The following UBE2D1 variants were observed in gnomAD, a reference collection of about 807,000 sequenced individuals.
UBE2D1 encodes the protein ubiquitin conjugating enzyme E2 D1, also known as ubiquitin-conjugating enzyme E2 D1.
UBE2D1 carries 9 observed loss-of-function variants against 24.6 expected under a neutral mutation model. The ratio of observed to expected loss-of-function variants is 0.37; its 90% confidence interval spans 0.22 to 0.64. The LOEUF (loss-of-function observed/expected upper bound fraction) is 0.64, where lower values mean the gene tolerates loss of function less well. Ranked by LOEUF, UBE2D1 falls within the 30% of genes least tolerant of loss-of-function variation. UBE2D1 has a pLI of 0.64. For synonymous variants in UBE2D1, 57 were observed against 57.6 expected, an observed-to-expected ratio of 0.99 and a Z score of 0.04; for missense variants, 87 against 177.1, an observed-to-expected ratio of 0.49 and a Z score of 2.89.
At chr10:58,341,659 TC>T (rs1276723721) in intron 1 of UBE2D1, among the ~76,000 whole-genome samples, 1 of 152,202 alleles carries the variant, frequency 6.6e-6, no homozygotes, top group Non-Finnish European at 1.5e-5. Context: ...TGGGATTGCC[TC>T]CAGGAAAGCA....
intron 1 of UBE2D1, among the ~76,000 whole-genome samples, chr10:58,338,264 A>T (rs1839924382): frequency 6.6e-6 from 1 of 152,246 alleles, no homozygotes; most frequent in Non-Finnish European, 1.5e-5. Flanking sequence ...AAGACAGAGC[A>T]TGGAGATATC....
At chr10:58,368,052 C>A in intron 6 of UBE2D1, 36 bp downstream of exon 6, 1 of 1,444,664 alleles carries the variant, frequency 6.9e-7, no homozygotes, top group Non-Finnish European at 9.7e-7. Flanking sequence ...TGTATGGATA[C>A]ATTCCTATAT....
intron 1 of UBE2D1, among the ~76,000 whole-genome samples, chr10:58,337,644 AG>A (rs1839917020): frequency 6.6e-6 from 1 of 152,060 alleles, no homozygotes; most frequent in South Asian, 2.1e-4. Flanking sequence ...AGAGGGTACA[AG>A]CAGGGGAACA....
chr10:58,338,146 C>CAAT lies in UBE2D1; in HGVS notation c.24+2925_24+2927dup, dbSNP rs560724538. The stretch of plus-strand genomic sequence containing the variant: ...ATAGGTGTGAGCCACCACACCCGGC[C>CAAT]AATAATCTCTTAATTGGCTTGGCTA... On this transcript the variant is annotated intron_variant, in intron 1 of 6. Transcript: ENST00000373910. Among the ~76,000 whole-genome samples the CAAT allele has an allele frequency of 2.1e-4, 32 of 152,196 alleles. No homozygotes were observed. In the South Asian group the frequency reaches 6.4e-3, roughly 31 times the overall value.
intron 1 of UBE2D1, among the ~76,000 whole-genome samples, chr10:58,337,469 G>A (rs1418922949): frequency 6.6e-6 from 1 of 152,118 alleles, no homozygotes; most frequent in Non-Finnish European, 1.5e-5. Context: ...CATCAGTATA[G>A]AATTCTTATT....
chr10:58,363,853 T>C (rs1840226491), intron 4 of UBE2D1, among the ~76,000 whole-genome samples, 167 bp downstream of exon 4: 1 of 152,188 alleles, frequency 6.6e-6, no homozygotes, highest in East Asian at 1.9e-4. Context: ...TGATTTCTTA[T>C]TGAAATACTG....
At chr10:58,363,489 A>G (rs970997432) in intron 3 of UBE2D1, 120 bp from the exon 4 acceptor site, 5 of 624,576 alleles carry the variant, frequency 8.0e-6, no homozygotes, top group African/African-American at 5.8e-5. Flanking sequence ...GTAATATTTA[A>G]TGAAATTATT....
chr10:58,353,477 C>G (rs1840098910), intron 1 of UBE2D1, among the ~76,000 whole-genome samples: 1 of 152,138 alleles, frequency 6.6e-6, no homozygotes, highest in South Asian at 2.1e-4. Flanking sequence ...CCTTGGAAAG[C>G]AACCCATAGC....
intron 1 of UBE2D1, among the ~76,000 whole-genome samples, chr10:58,351,050 A>G (rs1840070550): frequency 6.6e-6 from 1 of 152,216 alleles, no homozygotes. Context: ...GTATGCCTGT[A>G]TAGGGCACTT....
At position 58,344,174 on chromosome 10, in the gene UBE2D1, C is replaced by T. The variant is rs535226223; in HGVS notation, c.24+8949C>T. On this transcript the variant is annotated intron_variant, in intron 1 of 6. Transcript: ENST00000373910. ...GAAAAGATAAGAATTCCTTCTCATTCCTTCACTTATCACACTTTTGTTTCT... is the reference window on the plus strand; with the variant it reads ...GAAAAGATAAGAATTCCTTCTCATTTCTTCACTTATCACACTTTTGTTTCT... 2.0e-5 allele frequency among the ~76,000 whole-genome samples: 3 copies of T among 152,284 alleles called. No individual in the cohort carries two copies. In the South Asian group the frequency reaches 6.2e-4, roughly 32 times the overall value.
intron 1 of UBE2D1, among the ~76,000 whole-genome samples, chr10:58,347,044 T>G (rs1840024995): frequency 6.6e-6 from 1 of 152,232 alleles, no homozygotes; most frequent in African/African-American, 2.4e-5. Context: ...AGATTCCTCC[T>G]TCTGTTATCC....
At chr10:58,345,092 T>A (rs1281159318) in intron 1 of UBE2D1, among the ~76,000 whole-genome samples, 1 of 152,050 alleles carries the variant, frequency 6.6e-6, no homozygotes, top group Non-Finnish European at 1.5e-5. Flanking sequence ...CTCGAACTCC[T>A]GACTTCAAGT....
intron 1 of UBE2D1, among the ~76,000 whole-genome samples, chr10:58,351,963 G>A (rs146011120): frequency 3.5e-4 from 53 of 152,124 alleles, no homozygotes; most frequent in African/African-American, 9.9e-4. Context: ...TATGTGGCAC[G>A]TAACTGTATA....
intron 1 of UBE2D1, among the ~76,000 whole-genome samples, chr10:58,347,904 C>T (rs542522223): frequency 6.6e-6 from 1 of 152,282 alleles, no homozygotes; most frequent in Non-Finnish European, 1.5e-5. Context: ...CCGCCTTGGC[C>T]TCCCAAAGTG....
chr10:58,345,094 A>G (rs565962668), intron 1 of UBE2D1, among the ~76,000 whole-genome samples: 1 of 152,040 alleles, frequency 6.6e-6, no homozygotes, highest in Non-Finnish European at 1.5e-5. Flanking sequence ...CGAACTCCTG[A>G]CTTCAAGTGA....
chr10:58,345,467 T>C (rs1289834636), intron 1 of UBE2D1, among the ~76,000 whole-genome samples: 2 of 152,124 alleles, frequency 1.3e-5, no homozygotes, highest in African/African-American at 4.8e-5. Flanking sequence ...AGCAAGACCC[T>C]GTCTCAAAAG....
At chr10:58,359,033 G>T (rs949165032) in intron 1 of UBE2D1, among the ~76,000 whole-genome samples, 3 of 114,892 alleles carry the variant, frequency 2.6e-5, no homozygotes, top group African/African-American at 9.4e-5. Context: ...AAAAAAAAAA[G>T]CAAAACAAAA....
At chr10:58,364,535 A>G (rs893521108) in intron 4 of UBE2D1, 7 of 429,312 alleles carry the variant, frequency 1.6e-5, no homozygotes, top group African/African-American at 1.0e-4. Context: ...TGTCCAAAAT[A>G]CTCTTCAGTT....
At chr10:58,360,922 A>C (rs1427434654) in intron 1 of UBE2D1, 1 of 142,298 alleles carries the variant, frequency 7.0e-6, no homozygotes. Flanking sequence ...ATCCTGTCTC[A>C]AAAAAAAAAA....
Sources: allele counts gnomAD v4.1 joint callset (sites outside exome capture counted in the v4.1 genomes callset), GRCh38; gene constraint gnomAD v4.1.1; transcripts MANE v1.5; gene names NCBI Gene and HGNC (gene_info 2026-07-23, HGNC 2026-07-21).